ARB2A: variants seen among roughly 807,000 people sequenced by gnomAD.
The protein encoded by ARB2A is ARB2 cotranscriptional regulator A, also known as cotranscriptional regulator ARB2A.
the ARB2A span, among the ~76,000 whole-genome samples, chr5:93,924,547 C>T: frequency 1.3e-5 from 2 of 152,202 alleles, no homozygotes; most frequent in Admixed American, 6.5e-5. Flanking sequence ...CTAGGGTATC[C>T]CATAACCAAT....
chr5:93,665,691 A>T, the ARB2A span, among the ~76,000 whole-genome samples: 1 of 152,190 alleles, frequency 6.6e-6, no homozygotes, highest in Non-Finnish European at 1.5e-5. Flanking sequence ...AACACAGACC[A>T]CTGCAAATAA....
the ARB2A span, chr5:94,074,697 G>T: frequency 6.2e-7 from 1 of 1,612,804 alleles, no homozygotes; most frequent in African/African-American, 1.3e-5. Flanking sequence ...TGCTGGATTT[G>T]TGCCATGTTT....
the ARB2A span, among the ~76,000 whole-genome samples, chr5:94,015,599 A>G: frequency 6.6e-6 from 1 of 152,174 alleles, no homozygotes; most frequent in Admixed American, 6.6e-5. Context: ...GCTACAGCAA[A>G]CTATTGAGAA....
chr5:93,700,178 T>C, the ARB2A span, among the ~76,000 whole-genome samples: 1 of 152,172 alleles, frequency 6.6e-6, no homozygotes, highest in African/African-American at 2.4e-5. Flanking sequence ...CAGAAAGCCA[T>C]TGAATGATTT....
the ARB2A span, among the ~76,000 whole-genome samples, chr5:93,803,095 C>G: frequency 2.6e-5 from 4 of 152,004 alleles, no homozygotes; most frequent in Non-Finnish European, 4.4e-5. Flanking sequence ...TGAGTAATAA[C>G]AGGTGCCTGC....
chr5:93,841,958 A>C, the ARB2A span, among the ~76,000 whole-genome samples: 1 of 152,326 alleles, frequency 6.6e-6, no homozygotes, highest in East Asian at 1.9e-4. Flanking sequence ...ACATCATATA[A>C]GAGGGACACT....
the ARB2A span, among the ~76,000 whole-genome samples, chr5:93,732,815 G>A: frequency 6.6e-6 from 1 of 151,794 alleles, no homozygotes; most frequent in Non-Finnish European, 1.5e-5. Flanking sequence ...AGATCTCCTA[G>A]AGCCTTCCTT....
chr5:93,969,056 C>G, the ARB2A span, among the ~76,000 whole-genome samples: 10 of 137,814 alleles, frequency 7.3e-5, no homozygotes, highest in African/African-American at 2.7e-4. Context: ...ACTTGCCTCA[C>G]AAGAAATGTT....
the ARB2A span, among the ~76,000 whole-genome samples, chr5:93,664,639 A>G: frequency 2.7e-5 from 4 of 148,442 alleles, no homozygotes; most frequent in South Asian, 8.4e-4. Context: ...TCAAAAATAT[A>G]TATATATATA....
chr5:93,792,358 T>A, the ARB2A span, among the ~76,000 whole-genome samples: 1 of 152,126 alleles, frequency 6.6e-6, no homozygotes, highest in East Asian at 1.9e-4. Flanking sequence ...GAAGAAGACA[T>A]TGAAATGGTG....
At chr5:93,646,373 C>A in the ARB2A span, among the ~76,000 whole-genome samples, 1 of 151,490 alleles carries the variant, frequency 6.6e-6, no homozygotes, top group East Asian at 1.9e-4. Context: ...AAGTTTTAGG[C>A]CCCAGAGCAA....
chr5:93,815,446 T>TA, the ARB2A span, among the ~76,000 whole-genome samples: 41 of 152,278 alleles, frequency 2.7e-4, 1 homozygote, highest in South Asian at 7.3e-3. Context: ...AGAAACCAGA[T>TA]AACCAGGGTA....
the ARB2A span, among the ~76,000 whole-genome samples, chr5:94,082,719 G>A: frequency 6.6e-6 from 1 of 151,412 alleles, no homozygotes; most frequent in Non-Finnish European, 1.5e-5. Flanking sequence ...TTGGCTTCTA[G>A]AATTTCCCAA....
chr5:93,646,266 T>C, the ARB2A span, among the ~76,000 whole-genome samples: 1 of 152,094 alleles, frequency 6.6e-6, no homozygotes, highest in African/African-American at 2.4e-5. Flanking sequence ...TATATAGCCA[T>C]AGTCGCTCTT....
At chr5:93,996,453 A>G in the ARB2A span, among the ~76,000 whole-genome samples, 1 of 152,108 alleles carries the variant, frequency 6.6e-6, no homozygotes, top group East Asian at 1.9e-4. Flanking sequence ...GCAGACAACC[A>G]GAGTGTTAAA....
chr5:94,001,002 T>C, the ARB2A span, among the ~76,000 whole-genome samples: 1 of 152,116 alleles, frequency 6.6e-6, no homozygotes, highest in Non-Finnish European at 1.5e-5. Flanking sequence ...TATCCCATTG[T>C]TCTATCTGTC....
At chr5:93,733,052 T>C in the ARB2A span, among the ~76,000 whole-genome samples, 1 of 152,144 alleles carries the variant, frequency 6.6e-6, no homozygotes, top group East Asian at 1.9e-4. Flanking sequence ...AATTTTAACT[T>C]TCTATCATGT....
the ARB2A span, among the ~76,000 whole-genome samples, chr5:93,843,082 A>T: frequency 6.6e-6 from 1 of 152,310 alleles, no homozygotes; most frequent in East Asian, 1.9e-4. Flanking sequence ...TAAATAAGAC[A>T]AAAAGTTCTA....
chr5:93,830,490 G>A, the ARB2A span, among the ~76,000 whole-genome samples: 1 of 151,688 alleles, frequency 6.6e-6, no homozygotes. Flanking sequence ...GCAGTAGTGT[G>A]TGAGGAGTAT....
Sources: gnomAD v4.1 joint callset for allele counts (sites outside exome capture counted in the v4.1 genomes callset) on GRCh38, gnomAD v4.1.1 for gene constraint, MANE v1.5 for transcripts, NCBI Gene and HGNC (gene_info 2026-07-23, HGNC 2026-07-21) for gene names.